DLGAP1: variants seen among roughly 807,000 people sequenced by gnomAD.
DLGAP1 encodes DLG associated protein 1.
Under a neutral mutation model 90.8 loss-of-function variants are expected in DLGAP1, and 11 were observed. The ratio of observed to expected loss-of-function variants is 0.12; its 90% CI spans 0.08 to 0.20. The LOEUF is 0.20. Among genes scored for constraint, DLGAP1 ranks in the 10% least tolerant of loss-of-function variants. DLGAP1 has a pLI of 1.00. For missense variants in DLGAP1, 1,050 were observed against 1,333.8 expected, an observed-to-expected ratio of 0.79 and a Z score of 3.31; for synonymous variants, 558 against 540.7, an observed-to-expected ratio of 1.03 and a Z score of -0.44.
intron 5 of DLGAP1, among the ~76,000 whole-genome samples, chr18:3,797,654 G>T (rs1002994737): frequency 6.6e-6 from 1 of 152,186 alleles, no homozygotes; most frequent in Admixed American, 6.5e-5. Flanking sequence ...GTTTTAAAGC[G>T]GGAGGGAGGG....
At chr18:3,597,782 GTTC>G in intron 7 of DLGAP1, 1 of 156,930 alleles carries the variant, frequency 6.4e-6, no homozygotes. Flanking sequence ...TGCATCCACC[GTTC>G]CTTCCTGTTG....
chr18:4,033,489 C>T (rs1213392214), intron 2 of DLGAP1, among the ~76,000 whole-genome samples: 1 of 152,180 alleles, frequency 6.6e-6, no homozygotes, highest in East Asian at 1.9e-4. Flanking sequence ...ATCTTTGTAT[C>T]CTAGGCCAGA....
At chr18:4,274,834 T>C (rs1477848109) in intron 1 of DLGAP1, among the ~76,000 whole-genome samples, 2 of 152,190 alleles carry the variant, frequency 1.3e-5, no homozygotes, top group African/African-American at 4.8e-5. Flanking sequence ...ATAAGTAATA[T>C]TTGACTGGAC....
intron 2 of DLGAP1, among the ~76,000 whole-genome samples, chr18:4,032,613 T>G (rs1343637326): frequency 2.0e-5 from 3 of 152,142 alleles, no homozygotes; most frequent in African/African-American, 7.2e-5. Context: ...CTAGAGAGTT[T>G]CTACAGCAGG....
At chr18:3,508,503 C>T in intron 11 of DLGAP1, 67 bp downstream of exon 11, 1 of 1,183,796 alleles carries the variant, frequency 8.4e-7, no homozygotes, top group Non-Finnish European at 1.2e-6. Flanking sequence ...TTTAGTTGGG[C>T]CAGTCTTGGT....
At chr18:4,300,247 T>C (rs1044012447) in intron 1 of DLGAP1, among the ~76,000 whole-genome samples, 11 of 152,214 alleles carry the variant, frequency 7.2e-5, no homozygotes, top group African/African-American at 2.2e-4. Context: ...TTTTAATACA[T>C]ATTTTGTCTT....
intron 12 of DLGAP1, chr18:3,502,252 A>G (rs945761017): frequency 3.7e-6 from 5 of 1,359,532 alleles, no homozygotes; most frequent in Non-Finnish European, 4.7e-6. Flanking sequence ...ATTAACAAAA[A>G]AAGCCACATT....
Position 3,665,935 on chromosome 18 carries a change from C to A in DLGAP1, c.1591+63200G>T, listed in dbSNP as rs565090570. Among the ~76,000 whole-genome samples, 7 of 152,248 alleles carry A rather than the reference C, an allele frequency of 4.6e-5. No individual in the cohort carries two copies. The East Asian group carries it at 1.4e-3, about 29-fold the overall frequency. On this transcript the variant is annotated intron_variant, in intron 7 of 12. Transcript: ENST00000315677. ...TGTAGGGGCACCTTTGATCTCTCATCCTTGGAGGTTAAGGGAGGGCAGACA... is the reference window on the plus strand; with the variant it reads ...TGTAGGGGCACCTTTGATCTCTCATACTTGGAGGTTAAGGGAGGGCAGACA...
At chr18:3,698,457 C>T (rs931417285) in intron 7 of DLGAP1, among the ~76,000 whole-genome samples, 30 of 152,260 alleles carry the variant, frequency 2.0e-4, no homozygotes, top group African/African-American at 7.0e-4. Flanking sequence ...CTTAGTTTGG[C>T]TGGATATGAA....
intron 3 of DLGAP1, among the ~76,000 whole-genome samples, chr18:3,964,026 C>T (rs143053242): frequency 2.6e-5 from 4 of 152,088 alleles, no homozygotes; most frequent in South Asian, 2.1e-4. Flanking sequence ...AAATCGTATA[C>T]GTGGCTTGGG....
chr18:3,683,697 TAA>T (rs140385150), intron 7 of DLGAP1, among the ~76,000 whole-genome samples: 2,232 of 152,150 alleles, frequency 0.015, 67 homozygotes, highest in African/African-American at 0.051. Context: ...AGCAAATAAT[TAA>T]AGAGTATTAA....
At chr18:4,365,217 A>T (rs555978285) in intron 1 of DLGAP1, among the ~76,000 whole-genome samples, 1 of 152,308 alleles carries the variant, frequency 6.6e-6, no homozygotes, top group Non-Finnish European at 1.5e-5. Context: ...CTAAGAGAAA[A>T]TTTACAGTTT....
intron 1 of DLGAP1, among the ~76,000 whole-genome samples, chr18:4,368,983 G>T (rs2144188488): frequency 6.6e-6 from 1 of 152,228 alleles, no homozygotes; most frequent in African/African-American, 2.4e-5. Flanking sequence ...GTAGGTTAAA[G>T]ACTGCAGGCA....
At chr18:3,600,545 C>A (rs2056834448) in intron 7 of DLGAP1, among the ~76,000 whole-genome samples, 1 of 151,244 alleles carries the variant, frequency 6.6e-6, no homozygotes, top group Admixed American at 6.6e-5. Context: ...CAGAAACATT[C>A]TTTTTATTCG....
intron 7 of DLGAP1, among the ~76,000 whole-genome samples, chr18:3,681,381 G>A (rs141955677): frequency 9.0e-4 from 137 of 152,340 alleles, no homozygotes; most frequent in African/African-American, 3.2e-3. Flanking sequence ...TATTCATTGT[G>A]TGATGCTAAT....
intron 5 of DLGAP1, among the ~76,000 whole-genome samples, chr18:3,745,740 A>G (rs943626358): frequency 6.6e-6 from 1 of 151,906 alleles, no homozygotes; most frequent in Non-Finnish European, 1.5e-5. Flanking sequence ...CCCAGGCTGG[A>G]GTGCAGTAGT....
intron 2 of DLGAP1, among the ~76,000 whole-genome samples, chr18:4,116,545 C>CT (rs1276796538): frequency 1.3e-5 from 2 of 151,770 alleles, no homozygotes; most frequent in African/African-American, 4.8e-5. Flanking sequence ...TTTCCTCATT[C>CT]TTTTTTTTCT....
chr18:4,004,695 A>G (rs1373096549), intron 3 of DLGAP1, among the ~76,000 whole-genome samples: 1 of 152,208 alleles, frequency 6.6e-6, no homozygotes, highest in East Asian at 1.9e-4. Context: ...TCATCCAAAT[A>G]ACGTATGTGA....
intron 1 of DLGAP1, among the ~76,000 whole-genome samples, chr18:4,367,329 A>T (rs2081798443): frequency 6.6e-6 from 1 of 152,020 alleles, no homozygotes; most frequent in South Asian, 2.1e-4. Context: ...GATTTGATTC[A>T]TTACTTTTAG....
Sources: gnomAD v4.1 joint callset for allele counts (sites outside exome capture counted in the v4.1 genomes callset) on GRCh38, gnomAD v4.1.1 for gene constraint, MANE v1.5 for transcripts, NCBI Gene and HGNC (gene_info 2026-07-23, HGNC 2026-07-21) for gene names.